GOLIM4: variants seen among roughly 807,000 people sequenced by gnomAD.
The protein encoded by GOLIM4 is 130 kDa golgi-localized phosphoprotein.
GOLIM4 carries 71 observed loss-of-function variants against 107.4 expected under a neutral mutation model. The ratio of observed to expected loss-of-function variants is 0.66; its 90% confidence interval spans 0.55 to 0.81. GOLIM4 has a LOEUF of 0.81. Among genes scored for constraint, GOLIM4 ranks in the 30% least tolerant of loss-of-function variants. The probability of loss-of-function intolerance (pLI) is 0.00; values close to 1 mark genes in which losing one functional copy is unlikely to be tolerated. For synonymous variants in GOLIM4, 327 were observed against 294.8 expected (o/e 1.11, Z -1.12); for missense variants, 830 against 826.1 (o/e 1.00, Z -0.06).
intron 1 of GOLIM4, among the ~76,000 whole-genome samples, chr3:168,086,070 A>G (rs931020173): frequency 3.9e-5 from 6 of 152,138 alleles, no homozygotes; most frequent in African/African-American, 9.7e-5. Context: ...ATTATTTTTC[A>G]TATTTTAATA....
chr3:168,037,644 T>C (rs1226489636), intron 7 of GOLIM4, among the ~76,000 whole-genome samples: 1 of 152,196 alleles, frequency 6.6e-6, no homozygotes, highest in Admixed American at 6.5e-5. Context: ...TTGTGAATGA[T>C]CTTTTCTTCT....
chr3:168,035,326 A>G (rs1489785621), intron 8 of GOLIM4, among the ~76,000 whole-genome samples: 2 of 152,250 alleles, frequency 1.3e-5, no homozygotes, highest in Non-Finnish European at 2.9e-5. Flanking sequence ...AGAGGAATAG[A>G]AATCATTCCA....
intron 14 of GOLIM4, among the ~76,000 whole-genome samples, chr3:168,015,502 G>T (rs1336477394): frequency 7.3e-6 from 1 of 137,002 alleles, no homozygotes; most frequent in Non-Finnish European, 1.5e-5. Context: ...TCCCCATCAA[G>T]CTACCAATGC....
At chr3:168,045,259 G>A (rs963537698) in intron 3 of GOLIM4, among the ~76,000 whole-genome samples, 1 of 152,132 alleles carries the variant, frequency 6.6e-6, no homozygotes, top group Non-Finnish European at 1.5e-5. Flanking sequence ...AGGTAAGAGG[G>A]AAGAAGAAAT....
intron 12 of GOLIM4, among the ~76,000 whole-genome samples, chr3:168,026,205 GACT>G (rs1717988107): frequency 6.6e-6 from 1 of 152,100 alleles, no homozygotes; most frequent in South Asian, 2.1e-4. Flanking sequence ...GGAACGTAGA[GACT>G]ACCAAATTAC....
At chr3:168,044,059 C>T (rs1317597747) in intron 4 of GOLIM4, among the ~76,000 whole-genome samples, 1 of 152,164 alleles carries the variant, frequency 6.6e-6, no homozygotes, top group African/African-American at 2.4e-5. Context: ...TATAATCCTA[C>T]AATGTAATCA....
At chr3:168,031,195 G>T (rs551031867) in intron 9 of GOLIM4, among the ~76,000 whole-genome samples, 8 of 152,250 alleles carry the variant, frequency 5.3e-5, no homozygotes, top group African/African-American at 1.7e-4. Flanking sequence ...CTGGGAAGGG[G>T]GATGAAGAGA....
chr3:168,069,924 T>C lies in GOLIM4; in HGVS notation c.188-21559A>G, dbSNP rs1303300876. ...TTAATTTTCAACTATGAAGTCTTTG[T>C]ATAGAAAGATGGTGCTACTAATTCA... On this transcript the variant is annotated intron_variant, in intron 1 of 15. Transcript: ENST00000470487. Among the ~76,000 whole-genome samples the C allele has an allele frequency of 3.3e-5, 5 of 152,088 alleles. No homozygotes were observed. In the East Asian group the frequency reaches 7.7e-4, roughly 23 times the overall value.
chr3:168,051,505 T>C (rs1719645793), intron 1 of GOLIM4, among the ~76,000 whole-genome samples: 1 of 152,250 alleles, frequency 6.6e-6, no homozygotes. Flanking sequence ...TTGCGAATTA[T>C]TGTTAAAATT....
intron 11 of GOLIM4, 112 bp downstream of exon 11, chr3:168,029,111 G>A: frequency 1.6e-6 from 1 of 636,836 alleles, no homozygotes; most frequent in Non-Finnish European, 2.7e-6. Context: ...AACCTCCTTT[G>A]CACTTAGGTA....
At chr3:168,039,931 T>C (rs988361697) in intron 7 of GOLIM4, among the ~76,000 whole-genome samples, 1 of 152,194 alleles carries the variant, frequency 6.6e-6, no homozygotes, top group African/African-American at 2.4e-5. Flanking sequence ...CAAACACAGA[T>C]GCTACAGCCT....
intron 1 of GOLIM4, among the ~76,000 whole-genome samples, chr3:168,052,005 G>T (rs6764192): frequency 0.041 from 6,219 of 152,006 alleles, 395 homozygotes; most frequent in African/African-American, 0.14. Context: ...GAGAGGGAGA[G>T]AGGCAGGTGC....
intron 8 of GOLIM4, among the ~76,000 whole-genome samples, 162 bp from the exon 9 acceptor site, chr3:168,033,014 T>C (rs368239471): frequency 2.0e-5 from 3 of 152,194 alleles, no homozygotes; most frequent in Admixed American, 2.0e-4. Flanking sequence ...CACTTAAGTT[T>C]CTTACTGTGT....
In GOLIM4 at chr3:168,075,528, G is replaced by A. The variant is rs571592524; in HGVS notation, c.187+19571C>T. ...TTAGCCGGGATGGTCTCGATCTCCTGACCTCGTGATCCGCCTGCCTCGGCC... is the reference window on the plus strand; with the variant it reads ...TTAGCCGGGATGGTCTCGATCTCCTAACCTCGTGATCCGCCTGCCTCGGCC... On this transcript the variant is annotated intron_variant, in intron 1 of 15. Coordinates refer to ENST00000470487, the MANE Select transcript of GOLIM4 (RefSeq NM_014498.5). Among the ~76,000 whole-genome samples the A allele has an allele frequency of 5.3e-5, 8 of 151,876 alleles. No homozygotes were observed. The East Asian group carries it at 1.2e-3, about 22-fold the overall frequency.
chr3:168,042,356 T>G (rs972808117), intron 5 of GOLIM4, among the ~76,000 whole-genome samples: 1 of 152,146 alleles, frequency 6.6e-6, no homozygotes, highest in Admixed American at 6.5e-5. Context: ...TGGCTCACTG[T>G]AAGAACCTCC....
intron 1 of GOLIM4, among the ~76,000 whole-genome samples, chr3:168,072,451 T>C (rs1720881797): frequency 6.7e-6 from 1 of 148,976 alleles, no homozygotes; most frequent in Admixed American, 6.7e-5. Flanking sequence ...TTGGCAGAGC[T>C]ATGAGGCATT....
At chr3:168,028,105 A>G (rs557655172) in intron 11 of GOLIM4, among the ~76,000 whole-genome samples, 4 of 152,332 alleles carry the variant, frequency 2.6e-5, no homozygotes, top group African/African-American at 9.6e-5. Context: ...CATATGCAAG[A>G]AAACAACAAC....
At chr3:168,074,012 G>A (rs576413726) in intron 1 of GOLIM4, among the ~76,000 whole-genome samples, 1 of 152,284 alleles carries the variant, frequency 6.6e-6, no homozygotes, top group African/African-American at 2.4e-5. Context: ...AAAGTCTGTG[G>A]CTTCCATGTT....
intron 5 of GOLIM4, among the ~76,000 whole-genome samples, chr3:168,042,690 C>T (rs1214467337): frequency 6.6e-6 from 1 of 152,196 alleles, no homozygotes; most frequent in Non-Finnish European, 1.5e-5. Flanking sequence ...AGAAAAGTGA[C>T]ATATTTTGTT....
Sources: allele counts gnomAD v4.1 joint callset (sites outside exome capture counted in the v4.1 genomes callset), GRCh38; gene constraint gnomAD v4.1.1; transcripts MANE v1.5; gene names NCBI Gene and HGNC (gene_info 2026-07-23, HGNC 2026-07-21).